Variants in UNC13B observed in about 807,000 individuals in gnomAD.
The protein encoded by UNC13B is protein unc-13 homolog B.
In UNC13B, 144 loss-of-function variants were observed where a neutral mutation model predicts 211.0. That is an observed-to-expected ratio of 0.68 (90% confidence interval 0.60 to 0.78). UNC13B has a LOEUF of 0.78. Ranked by LOEUF, UNC13B falls within the 30% of genes least tolerant of loss-of-function variation. The probability of loss-of-function intolerance (pLI) is 0.00; values close to 1 mark genes in which losing one functional copy is unlikely to be tolerated. For synonymous variants in UNC13B, 709 were observed against 725.8 expected (o/e 0.98, Z 0.37); for missense variants, 1,777 against 2,002.0 (o/e 0.89, Z 2.14).
chr9:35,260,221 AC>A (rs1189745453), intron 7 of UNC13B, among the ~76,000 whole-genome samples: 34 of 152,016 alleles, frequency 2.2e-4, no homozygotes, highest in Middle Eastern at 6.8e-3. Flanking sequence ...AAACAAACAA[AC>A]AAACAAACAA....
At chr9:35,188,807 C>A (rs1410035713) in intron 1 of UNC13B, among the ~76,000 whole-genome samples, 4 of 152,068 alleles carry the variant, frequency 2.6e-5, no homozygotes, top group Admixed American at 2.6e-4. Context: ...CAAAATTTAC[C>A]CTTGCATTAG....
rs201558543 is a variant in UNC13B, at chr9:35,297,090, C to CTTT, written c.761+1174_761+1176dup. 3.6e-3 allele frequency among the ~76,000 whole-genome samples: 466 copies of CTTT among 128,150 alleles called. 6 individuals carry two copies. Among genetic ancestry groups the CTTT allele is most frequent in the African/African-American group, 5.3e-3 (183 of 34,678 alleles). The allele number at this position is 128,150 out of a possible 152,430, so 84.1% of individuals were successfully genotyped here. A position where few individuals can be genotyped will look rare whatever the true frequency, so the allele number is the denominator to read the frequency against. On this transcript the variant is annotated intron_variant, in intron 8 of 39. Transcript: ENST00000635942. The stretch of plus-strand genomic sequence containing the variant: ...CTTGGTTTTTTGGTCTTTTAAGAAG[C>CTTT]TTTTTTTTTTTTTTTTGAGACAGAG...
At chr9:35,384,748 TA>T in intron 22 of UNC13B, 1 of 981,964 alleles carries the variant, frequency 1.0e-6, no homozygotes, top group Non-Finnish European at 1.2e-6. Flanking sequence ...CTTTTGCAAG[TA>T]ATCTGTATCA....
intron 7 of UNC13B, among the ~76,000 whole-genome samples, chr9:35,272,636 A>T (rs1033569323): frequency 6.6e-6 from 1 of 152,214 alleles, no homozygotes; most frequent in African/African-American, 2.4e-5. Flanking sequence ...TAATAATTTT[A>T]AAAGGGATAA....
Position 35,385,896 on chromosome 9 carries a change from G to A in UNC13B, c.10965+83G>A, listed in dbSNP as rs1018768270. 1.2e-5 allele frequency: 18 copies of A among 1,531,606 alleles called. No individual in the cohort carries two copies. In the Admixed American group the frequency reaches 2.9e-4, roughly 25 times the overall value. The allele number at this position is 1,531,606 out of a possible 1,614,324, so 94.9% of individuals were successfully genotyped here. A position where few individuals can be genotyped will look rare whatever the true frequency, so the allele number is the denominator to read the frequency against. ...TGAAGAATGAGAATCATTGGGCAGA[G>A]TCTGAGGCTACAGGATTCATCACCT... On this transcript the variant is annotated intron_variant, in intron 23 of 39. Coordinates refer to ENST00000635942, the MANE Select transcript of UNC13B (RefSeq NM_001371189.2).
At chr9:35,271,620 A>G (rs1235533790) in intron 7 of UNC13B, among the ~76,000 whole-genome samples, 1 of 152,216 alleles carries the variant, frequency 6.6e-6, no homozygotes, top group African/African-American at 2.4e-5. Flanking sequence ...TCACTCTTCA[A>G]TAAGGATAAT....
chr9:35,398,369 C>G, intron 31 of UNC13B, 81 bp downstream of exon 31: 3 of 1,501,596 alleles, frequency 2.0e-6, no homozygotes, highest in South Asian at 2.4e-5. Flanking sequence ...CCTCTCTTAA[C>G]TAGGTGTAGG....
At chr9:35,180,448 C>T (rs1587305751) in intron 1 of UNC13B, among the ~76,000 whole-genome samples, 1 of 152,048 alleles carries the variant, frequency 6.6e-6, no homozygotes, top group Non-Finnish European at 1.5e-5. Flanking sequence ...GCTTATTATT[C>T]TATCCATACC....
Position 35,301,363 on chromosome 9 carries a change from G to A in UNC13B, c.1959G>A (p.Ser653=). The change falls in exon 9 of 40, where the codon TCG becomes TCA. Residue 653 remains serine, a synonymous_variant. Coordinates refer to ENST00000635942, the MANE Select transcript of UNC13B (RefSeq NM_001371189.2). ...APQSQSSVIK[S]VFSRLNPLKI... ...AGAGTCAGAGTTCAGTTATAAAGTC[G>A]GTTTTCAGCAGGTTAAATCCATTGA... 2.5e-6 allele frequency: 1 copy of A among 398,548 alleles called. No homozygotes were observed. 24.7% of individuals were successfully genotyped at this position (398,548 alleles called of 1,614,324 possible). A position where few individuals can be genotyped will look rare whatever the true frequency, so the allele number is the denominator to read the frequency against.
chr9:35,238,642 G>T (rs1454376282), intron 5 of UNC13B, among the ~76,000 whole-genome samples: 1 of 150,582 alleles, frequency 6.6e-6, no homozygotes, highest in Non-Finnish European at 1.5e-5. Context: ...TGCAACCTCT[G>T]CCTCCTGGGT....
chr9:35,193,874 G>A (rs1247093804), intron 1 of UNC13B, among the ~76,000 whole-genome samples: 1 of 152,112 alleles, frequency 6.6e-6, no homozygotes, highest in East Asian at 1.9e-4. Context: ...TTTGGTAAAG[G>A]ACTGACAATG....
chr9:35,374,625 G>T (rs977008645), intron 13 of UNC13B, among the ~76,000 whole-genome samples: 4 of 152,224 alleles, frequency 2.6e-5, no homozygotes, highest in Non-Finnish European at 5.9e-5. Flanking sequence ...TGCCCTACTT[G>T]TAGGCCTGCT....
At chr9:35,291,535 T>A (rs954177712) in intron 7 of UNC13B, among the ~76,000 whole-genome samples, 4 of 152,232 alleles carry the variant, frequency 2.6e-5, no homozygotes, top group African/African-American at 7.2e-5. Context: ...TAGGAGGATA[T>A]GCAGAACAGA....
intron 7 of UNC13B, among the ~76,000 whole-genome samples, chr9:35,289,497 C>T (rs1382825753): frequency 6.6e-6 from 1 of 152,148 alleles, no homozygotes; most frequent in Non-Finnish European, 1.5e-5. Context: ...GCTAGTTGCT[C>T]ACCATCTTCC....
intron 12 of UNC13B, among the ~76,000 whole-genome samples, chr9:35,369,881 G>A (rs191442986): frequency 6.6e-6 from 1 of 152,276 alleles, no homozygotes; most frequent in Admixed American, 6.5e-5. Flanking sequence ...TACTCACCTA[G>A]ACTCTTGCCG....
chr9:35,175,031 T>C (rs1184889850), intron 1 of UNC13B, among the ~76,000 whole-genome samples: 1 of 150,404 alleles, frequency 6.6e-6, no homozygotes, highest in Non-Finnish European at 1.5e-5. Flanking sequence ...CTCCTGGGAC[T>C]CAAGTGATCT....
chr9:35,314,811 A>G (rs951438669), intron 11 of UNC13B, among the ~76,000 whole-genome samples: 10 of 149,294 alleles, frequency 6.7e-5, no homozygotes, highest in Non-Finnish European at 1.2e-4. Context: ...GTATATATAT[A>G]TATATACACC....
At chr9:35,233,031 T>A (rs1469546731) in intron 3 of UNC13B, among the ~76,000 whole-genome samples, 1 of 152,168 alleles carries the variant, frequency 6.6e-6, no homozygotes, top group East Asian at 1.9e-4. Context: ...TGGTTGCTTC[T>A]CTCTCAAGAT....
intron 1 of UNC13B, among the ~76,000 whole-genome samples, chr9:35,166,467 T>C (rs1376623020): frequency 1.3e-5 from 2 of 152,086 alleles, no homozygotes; most frequent in East Asian, 3.9e-4. Flanking sequence ...AAAATTTCCA[T>C]GGGCCTACCA....
Sources: allele counts gnomAD v4.1 joint callset (sites outside exome capture counted in the v4.1 genomes callset), GRCh38; gene constraint gnomAD v4.1.1; transcripts MANE v1.5; gene names NCBI Gene and HGNC (gene_info 2026-07-23, HGNC 2026-07-21).